The following PARVA variants were observed in gnomAD, a reference collection of about 807,000 sequenced individuals.
PARVA encodes parvin alpha, also known as alpha-parvin.
PARVA carries 25 observed loss-of-function variants against 52.6 expected under a neutral mutation model. The ratio of observed to expected loss-of-function variants is 0.48; its 90% confidence interval spans 0.35 to 0.66. The LOEUF (loss-of-function observed/expected upper bound fraction) is 0.66, where lower values mean the gene tolerates loss of function less well. Among genes scored for constraint, PARVA ranks in the 30% least tolerant of loss-of-function variants. The probability of loss-of-function intolerance (pLI) is 0.01; values close to 1 mark genes in which losing one functional copy is unlikely to be tolerated. For missense variants in PARVA, 373 were observed against 450.9 expected (o/e 0.83, Z 1.56); for synonymous variants, 185 against 179.1 (o/e 1.03, Z -0.26).
intron 4 of PARVA, among the ~76,000 whole-genome samples, chr11:12,496,218 C>T (rs1457069789): frequency 6.6e-6 from 1 of 152,118 alleles, no homozygotes; most frequent in Non-Finnish European, 1.5e-5. Context: ...TTAAATGCCC[C>T]TGGGATCTGG....
intron 1 of PARVA, among the ~76,000 whole-genome samples, chr11:12,468,770 G>T (rs1940890160): frequency 6.6e-6 from 1 of 152,124 alleles, no homozygotes; most frequent in Non-Finnish European, 1.5e-5. Context: ...TCACTGCATG[G>T]CTACAAAATG....
At chr11:12,415,901 A>G (rs1940058631) in intron 1 of PARVA, among the ~76,000 whole-genome samples, 1 of 152,226 alleles carries the variant, frequency 6.6e-6, no homozygotes, top group African/African-American at 2.4e-5. Flanking sequence ...AGAGTCCCGC[A>G]TAGCCCCCTG....
chr11:12,439,288 A>G (rs1006484950), intron 1 of PARVA, among the ~76,000 whole-genome samples: 2 of 152,182 alleles, frequency 1.3e-5, no homozygotes, highest in African/African-American at 2.4e-5. Context: ...TCTTCCCCCA[A>G]ACGACACTGC....
At chr11:12,442,578 G>C (rs1422107988) in intron 1 of PARVA, among the ~76,000 whole-genome samples, 1 of 152,024 alleles carries the variant, frequency 6.6e-6, no homozygotes, top group Non-Finnish European at 1.5e-5. Context: ...AGAAGTCTCA[G>C]GTACAAGACA....
intron 1 of PARVA, among the ~76,000 whole-genome samples, chr11:12,419,123 T>C (rs1940110527): frequency 6.6e-6 from 1 of 152,194 alleles, no homozygotes; most frequent in Non-Finnish European, 1.5e-5. Context: ...CTTAAAAAAA[T>C]TGTAGTAAAA....
At chr11:12,408,178 A>G (rs897366712) in intron 1 of PARVA, among the ~76,000 whole-genome samples, 2 of 150,730 alleles carry the variant, frequency 1.3e-5, no homozygotes, top group Non-Finnish European at 2.9e-5. Context: ...AAATCCAGCC[A>G]CTGAGACCCC....
Position 12,527,886 on chromosome 11 carries a change from G to A in PARVA, c.1080G>A (p.Val360=). 1 of 1,613,488 alleles carries A rather than the reference G, an allele frequency of 6.2e-7. No homozygotes were observed. Among genetic ancestry groups the A allele is most frequent in the Non-Finnish European group, 8.5e-7 (1 of 1,179,764 alleles). ...GTGACCTGAAATCTACACTACGAGT[G>A]TTGTACAACCTCTTCACCAAGTACC... is the stretch of plus-strand genomic sequence containing the variant. ...VNCDLKSTLR[V]LYNLFTKYRN... Residue 360 remains valine, a synonymous_variant, in exon 13 of 13, where the codon GTG becomes GTA. Coordinates refer to ENST00000334956, the MANE Select transcript of PARVA (RefSeq NM_018222.5).
chr11:12,449,089 T>C (rs1940586899), intron 1 of PARVA, among the ~76,000 whole-genome samples: 2 of 152,108 alleles, frequency 1.3e-5, no homozygotes, highest in Admixed American at 1.3e-4. Flanking sequence ...GAAATTTCAA[T>C]CTCAATAAAA....
chr11:12,397,367 T>C (rs146759168), intron 1 of PARVA, among the ~76,000 whole-genome samples: 89 of 152,312 alleles, frequency 5.8e-4, no homozygotes, highest in African/African-American at 1.9e-3. Flanking sequence ...CCAGCTTAAA[T>C]TTATTTTAGT....
chr11:12,494,655 TAAAA>T (rs879520948), intron 4 of PARVA, among the ~76,000 whole-genome samples: 3 of 147,292 alleles, frequency 2.0e-5, no homozygotes, highest in Non-Finnish European at 3.0e-5. Context: ...TCACACCATT[TAAAA>T]AAAAAAAGAA....
At chr11:12,491,607 T>TA in intron 4 of PARVA, among the ~76,000 whole-genome samples, 1 of 152,348 alleles carries the variant, frequency 6.6e-6, no homozygotes, top group South Asian at 2.1e-4. Flanking sequence ...CAAAAGGCAT[T>TA]ACTACAGAGA....
chr11:12,414,748 G>A (rs905804286), intron 1 of PARVA, among the ~76,000 whole-genome samples: 1 of 151,916 alleles, frequency 6.6e-6, no homozygotes, highest in Non-Finnish European at 1.5e-5. Flanking sequence ...ATTGTGAAAA[G>A]TAATTCAAAA....
At chr11:12,458,359 C>A (rs912955617) in intron 1 of PARVA, among the ~76,000 whole-genome samples, 3 of 152,218 alleles carry the variant, frequency 2.0e-5, no homozygotes, top group Non-Finnish European at 2.9e-5. Flanking sequence ...TTTCTCAGAC[C>A]AGACCTGAGC....
rs1015794665 is a variant in PARVA at position 12,496,323 on chromosome 11, G to T, written c.401-135G>T. 11 of 853,718 alleles carry T rather than the reference G, an allele frequency of 1.3e-5. No homozygotes were observed. In the African/African-American group the frequency reaches 1.9e-4, roughly 15 times the overall value. The allele number at this position is 853,718 out of a possible 1,614,324, so 52.9% of individuals were successfully genotyped here. On this transcript the variant is annotated intron_variant, in intron 4 of 12. Transcript: ENST00000334956. ...GACAGCAGTGTCCCTCTGCTGGTAGGCATCCAGTATCTATTGTTGCAAGAG... is the reference window on the plus strand; with the variant it reads ...GACAGCAGTGTCCCTCTGCTGGTAGTCATCCAGTATCTATTGTTGCAAGAG...
intron 4 of PARVA, 31 bp downstream of exon 4, chr11:12,477,980 T>G (rs746531910): frequency 8.5e-7 from 1 of 1,181,472 alleles, no homozygotes; most frequent in Non-Finnish European, 1.3e-6. Flanking sequence ...AATGGATGTG[T>G]GTTTAATTGC....
At chr11:12,436,332 A>G (rs908661811) in intron 1 of PARVA, among the ~76,000 whole-genome samples, 5 of 152,162 alleles carry the variant, frequency 3.3e-5, no homozygotes, top group African/African-American at 9.7e-5. Context: ...AGTTGAAGGG[A>G]GAGAATTAGC....
chr11:12,448,244 C>T lies in PARVA; in HGVS notation c.137-25501C>T, dbSNP rs535486179. On this transcript the variant is annotated intron_variant, in intron 1 of 12. Transcript: ENST00000334956. ...GGTCATAGAGATCTGACCCTTCTGC[C>T]AGGCTAGGATTGCACTAGGATTGCT... Among the ~76,000 whole-genome samples, 39 of 152,260 alleles carry T rather than the reference C, an allele frequency of 2.6e-4. 1 individual carries two copies. In the South Asian group the frequency reaches 5.6e-3, roughly 22 times the overall value.
intron 4 of PARVA, among the ~76,000 whole-genome samples, chr11:12,487,027 TGGAA>T (rs1229383695): frequency 6.6e-6 from 1 of 151,606 alleles, no homozygotes; most frequent in African/African-American, 2.4e-5. Context: ...TCAGAGAGAG[TGGAA>T]GGAACTCCAG....
Position 12,528,052 on chromosome 11 carries a change from C to G in PARVA, c.*127C>G, listed in dbSNP as rs989321499. ...TGCTCTCCCACAAGTCCAGCTGCAA[C>G]CCAGAGATAGTGGAAACTGAAATTA... On this transcript the variant is annotated 3_prime_UTR_variant, in exon 13 of 13. Transcript: ENST00000334956. 2.7e-6 allele frequency: 2 copies of G among 733,700 alleles called. No individual in the cohort carries two copies. The highest frequency in any genetic ancestry group is 5.0e-6 in the Non-Finnish European group (2 of 402,644). The allele number at this position is 733,700 out of a possible 1,614,324, so 45.4% of individuals were successfully genotyped here.
Sources: gnomAD v4.1 joint callset for allele counts (sites outside exome capture counted in the v4.1 genomes callset) on GRCh38, gnomAD v4.1.1 for gene constraint, MANE v1.5 for transcripts, NCBI Gene and HGNC (gene_info 2026-07-23, HGNC 2026-07-21) for gene names.